Variants in TLE4 observed in about 807,000 individuals in gnomAD.
The protein encoded by TLE4 is transducin-like enhancer protein 4.
TLE4 carries 8 observed loss-of-function variants against 92.8 expected under a neutral mutation model. The observed-to-expected ratio is 0.09, with a 90% CI of 0.05 to 0.16. TLE4 has a LOEUF of 0.16. Ranked by LOEUF, TLE4 falls within the 10% of genes least tolerant of loss-of-function variation. The pLI is 1.00. For synonymous variants in TLE4, 371 were observed against 374.1 expected (o/e 0.99, Z 0.10); for missense variants, 675 against 997.6 (o/e 0.68, Z 4.36).
intron 4 of TLE4, among the ~76,000 whole-genome samples, chr9:79,594,956 A>G (rs1163016601): frequency 6.6e-6 from 1 of 152,192 alleles, no homozygotes; most frequent in Non-Finnish European, 1.5e-5. Flanking sequence ...TTGTTTTTAG[A>G]AATAAGAAAA....
Position 79,709,699 on chromosome 9 carries a change from C to T in TLE4, c.1340C>T (p.Pro447Leu). Residue 447 changes from proline (P) to leucine (L), a missense_variant and splice_region_variant, in exon 14 of 20, where the codon CCA becomes CTA. By Grantham distance (98) the Pro-to-Leu change is moderately conservative. Coordinates refer to ENST00000376552, the MANE Select transcript of TLE4 (RefSeq NM_007005.6). Reference sequence around the variant, plus strand: ...CTGACAGGCATTCCAGGAGGAAAACCGTGAGTACCTTTTTGCCTCTGTGCT... The same window carrying T: ...CTGACAGGCATTCCAGGAGGAAAACTGTGAGTACCTTTTTGCCTCTGTGCT... Reference protein sequence around the residue: ...PNLTGIPGGKPAYSFHVSADG... With the variant: ...PNLTGIPGGKLAYSFHVSADG... The T allele has an allele frequency of 1.9e-6, 3 of 1,613,928 alleles. No individual in the cohort carries two copies. The highest frequency in any genetic ancestry group is 2.5e-6 in the Non-Finnish European group (3 of 1,179,908).
chr9:79,618,496 G>C (rs1446256184), intron 5 of TLE4, among the ~76,000 whole-genome samples: 1 of 152,166 alleles, frequency 6.6e-6, no homozygotes, highest in African/African-American at 2.4e-5. Context: ...ATGACCAGTG[G>C]CTTCCTAATT....
chr9:79,592,277 T>C (rs1820401172), intron 4 of TLE4, among the ~76,000 whole-genome samples: 1 of 135,566 alleles, frequency 7.4e-6, no homozygotes, highest in Non-Finnish European at 1.5e-5. Flanking sequence ...TTCTTCTTCT[T>C]TTTTTTTTTT....
intron 4 of TLE4, among the ~76,000 whole-genome samples, chr9:79,594,978 G>A (rs2043595648): frequency 6.6e-6 from 1 of 152,156 alleles, no homozygotes; most frequent in African/African-American, 2.4e-5. Context: ...ACTATTTATA[G>A]TTTGTGGTTC....
At chr9:79,675,046 G>GT (rs904295317) in intron 8 of TLE4, among the ~76,000 whole-genome samples, 4 of 151,830 alleles carry the variant, frequency 2.6e-5, no homozygotes, top group African/African-American at 7.3e-5. Flanking sequence ...TGTTTGGTTG[G>GT]TTTTTTTTAT....
chr9:79,718,198 C>A (rs1055929178), intron 14 of TLE4: 2 of 397,668 alleles, frequency 5.0e-6, no homozygotes, highest in Non-Finnish European at 9.8e-6. Context: ...TTTGGCACAT[C>A]TGTCATTTCA....
chr9:79,663,012 A>G (rs533866628), intron 8 of TLE4, among the ~76,000 whole-genome samples: 2 of 143,860 alleles, frequency 1.4e-5, no homozygotes, highest in Non-Finnish European at 3.1e-5. Context: ...CTGCTCTGAG[A>G]GTCGTGACAT....
At chr9:79,602,268 A>G (rs2045833510) in intron 4 of TLE4, among the ~76,000 whole-genome samples, 1 of 152,252 alleles carries the variant, frequency 6.6e-6, no homozygotes, top group Non-Finnish European at 1.5e-5. Context: ...ATCATTGATG[A>G]AGGTGGCTAC....
At chr9:79,630,375 C>A (rs574370284) in intron 6 of TLE4, among the ~76,000 whole-genome samples, 107 of 152,258 alleles carry the variant, frequency 7.0e-4, no homozygotes, top group African/African-American at 2.4e-3. Context: ...AGGTCATGTT[C>A]AGTTTAAAAC....
intron 8 of TLE4, among the ~76,000 whole-genome samples, chr9:79,670,282 A>G (rs1309792745): frequency 1.3e-5 from 2 of 152,202 alleles, no homozygotes; most frequent in South Asian, 2.1e-4. Context: ...GAAAGAGACT[A>G]CACCGACTTG....
chr9:79,656,135 C>T (rs1167976280), intron 8 of TLE4, among the ~76,000 whole-genome samples: 3 of 152,110 alleles, frequency 2.0e-5, no homozygotes, highest in African/African-American at 7.2e-5. Context: ...TGGGACTGTC[C>T]TATAGTTCTA....
chr9:79,666,261 A>T (rs2061403812), intron 8 of TLE4, among the ~76,000 whole-genome samples: 2 of 126,388 alleles, frequency 1.6e-5, no homozygotes, highest in Non-Finnish European at 1.6e-5. Context: ...TCCCTATGTC[A>T]CCCAAGCTGC....
chr9:79,635,411 CT>C (rs755976655), intron 6 of TLE4, among the ~76,000 whole-genome samples: 2 of 150,184 alleles, frequency 1.3e-5, no homozygotes, highest in Non-Finnish European at 3.0e-5. Flanking sequence ...TAAACTTAGG[CT>C]TTTTTTTTCC....
intron 8 of TLE4, among the ~76,000 whole-genome samples, chr9:79,663,087 A>C (rs1316927839): frequency 1.3e-5 from 2 of 152,038 alleles, no homozygotes; most frequent in East Asian, 1.9e-4. Context: ...GAAGGAGGGG[A>C]AAGTTAGTCT....
chr9:79,605,039 G>A (rs1209913489), intron 4 of TLE4, among the ~76,000 whole-genome samples: 3 of 152,104 alleles, frequency 2.0e-5, no homozygotes, highest in Admixed American at 6.6e-5. Context: ...GAGGAGGGGA[G>A]GGAGAGAGAA....
chr9:79,699,699 GT>G (rs1371307716), intron 8 of TLE4, among the ~76,000 whole-genome samples: 1 of 152,154 alleles, frequency 6.6e-6, no homozygotes, highest in Non-Finnish European at 1.5e-5. Flanking sequence ...GTTCTTTCTG[GT>G]TGTTATCGTC....
chr9:79,716,032 T>C (rs2074428040), intron 14 of TLE4, among the ~76,000 whole-genome samples: 1 of 152,110 alleles, frequency 6.6e-6, no homozygotes, highest in South Asian at 2.1e-4. Flanking sequence ...GTCTTTCGTT[T>C]TGCCACCTAC....
In TLE4 at chr9:79,718,756, A is replaced by G; in HGVS notation, c.1375A>G (p.Met459Val). 2 of 1,614,118 alleles carry G rather than the reference A, an allele frequency of 1.2e-6. No individual in the cohort carries two copies. The highest frequency in any genetic ancestry group is 1.7e-6 in the Non-Finnish European group (2 of 1,180,020). ...YSFHVSADGQMQPVPFPPDAL... is the reference protein window; with the variant it reads ...YSFHVSADGQVQPVPFPPDAL... ...CTTCCATGTTAGCGCAGATGGTCAG[A>G]TGCAGCCTGTCCCTTTTCCACCCGA... is the stretch of plus-strand genomic sequence containing the variant. Residue 459 changes from methionine (M) to valine (V), a missense_variant, in exon 15 of 20, where the codon ATG becomes GTG. By Grantham distance (21) the Met-to-Val change is conservative. Around this residue, in one of 5 missense-constraint regions of TLE4, gnomAD observed 119 missense variants for 175.9 expected, o/e 0.68. Coordinates refer to ENST00000376552, the MANE Select transcript of TLE4 (RefSeq NM_007005.6).
chr9:79,724,096 TC>T (rs1348110910), intron 19 of TLE4, among the ~76,000 whole-genome samples: 1 of 152,148 alleles, frequency 6.6e-6, no homozygotes, highest in Non-Finnish European at 1.5e-5. Flanking sequence ...GTTGAACCTC[TC>T]CCCTCTCGCA....
Sources: allele counts gnomAD v4.1 joint callset (sites outside exome capture counted in the v4.1 genomes callset), GRCh38; gene constraint gnomAD v4.1.1; regional missense constraint gnomAD v4.1.1; transcripts MANE v1.5; gene names NCBI Gene and HGNC (gene_info 2026-07-23, HGNC 2026-07-21).